The following GINS2 variants were observed in gnomAD, a reference collection of about 807,000 sequenced individuals.
GINS2 encodes the protein GINS complex subunit 2, also known as DNA replication complex GINS protein PSF2.
In GINS2, 23 loss-of-function variants were observed where a neutral mutation model predicts 21.2. That is an observed-to-expected ratio of 1.08 (90% CI 0.78 to 1.53). GINS2 has a LOEUF of 1.53. Among genes scored for constraint, GINS2 ranks in the 40% most tolerant of loss-of-function variants. GINS2 has a pLI of 0.00. For missense variants in GINS2, 323 were observed against 233.9 expected (o/e 1.38, Z -2.49); for synonymous variants, 118 against 85.6 (o/e 1.38, Z -2.09).
chr16:85,678,722 C>G, intron 3 of GINS2, 56 bp from the exon 4 acceptor site: 1 of 1,567,380 alleles, frequency 6.4e-7, no homozygotes, highest in Admixed American at 1.7e-5. Context: ...TGAGGCAATG[C>G]TGGATAGAGT....
intron 2 of GINS2, among the ~76,000 whole-genome samples, chr16:85,686,511 G>C (rs904110803): frequency 6.6e-6 from 1 of 151,784 alleles, no homozygotes; most frequent in African/African-American, 2.4e-5. Flanking sequence ...ATTCAGACTT[G>C]GGCAACCATT....
At chr16:85,687,631 T>C (rs2053789139) in intron 1 of GINS2, 57 bp from the exon 2 acceptor site, 4 of 958,776 alleles carry the variant, frequency 4.2e-6, no homozygotes, top group Non-Finnish European at 6.2e-6. Flanking sequence ...AAAGCATTAC[T>C]GTGCGTTACT....
At chr16:85,684,420 A>G (rs1049509642) in intron 2 of GINS2, among the ~76,000 whole-genome samples, 1 of 152,172 alleles carries the variant, frequency 6.6e-6, no homozygotes, top group African/African-American at 2.4e-5. Flanking sequence ...ACTCGAGCCC[A>G]GGAGTTGGAG....
chr16:85,679,249 A>G (rs1364352328), intron 3 of GINS2, among the ~76,000 whole-genome samples: 1 of 152,246 alleles, frequency 6.6e-6, no homozygotes, highest in Non-Finnish European at 1.5e-5. Flanking sequence ...AAATCACAGA[A>G]GAAACTGCAA....
chr16:85,682,691 C>T (rs908260369), intron 2 of GINS2, among the ~76,000 whole-genome samples: 1 of 152,154 alleles, frequency 6.6e-6, no homozygotes, highest in African/African-American at 2.4e-5. Context: ...AATCAAACAG[C>T]TGTATCCAAT....
At chr16:85,681,744 A>C in intron 2 of GINS2, 63 bp from the exon 3 acceptor site, 1 of 1,006,140 alleles carries the variant, frequency 9.9e-7, no homozygotes, top group South Asian at 1.4e-5. Flanking sequence ...TAAACCTTCC[A>C]AATTTACCAA....
intron 3 of GINS2, among the ~76,000 whole-genome samples, 160 bp downstream of exon 3, chr16:85,681,422 C>T (rs1465442267): frequency 6.6e-6 from 1 of 152,150 alleles, no homozygotes; most frequent in East Asian, 1.9e-4. Context: ...GGTGTGTGTA[C>T]ACAGATGACC....
At position 85,685,609 on chromosome 16, in the gene GINS2, T is replaced by C. The variant is rs1318880983; in HGVS notation, c.205+1851A>G. On this transcript the variant is annotated intron_variant, in intron 2 of 4. Transcript: ENST00000253462. ...TGACTTGAGGCTGGGAAGTCAAGGC[T>C]GCAGTGAGCTATGATTGCATCACTA... 2.1e-5 allele frequency among the ~76,000 whole-genome samples: 3 copies of C among 141,738 alleles called. No individual in the cohort carries two copies. In the Admixed American group the frequency reaches 2.3e-4, roughly 11 times the overall value. The allele number at this position is 141,738 out of a possible 152,430, so 93.0% of individuals were successfully genotyped here.
In GINS2 at chr16:85,676,622, C is replaced by G. The variant is rs994557650; in HGVS notation, c.*1590G>C. ...ATGCTGGGTGATAAGTCTTTAGGCT[C>G]AGCCTGTCACACATGCGCATTCTCA... On this transcript the variant is annotated 3_prime_UTR_variant, in exon 5 of 5. Coordinates refer to ENST00000253462, the MANE Select transcript of GINS2 (RefSeq NM_016095.3). The G allele has an allele frequency of 6.6e-6, 1 of 152,250 alleles. No homozygotes were observed. Among genetic ancestry groups the G allele is most frequent in the Non-Finnish European group, 1.5e-5 (1 of 68,078 alleles). The allele number at this position is 152,250 out of a possible 1,614,324, so 9.4% of individuals were successfully genotyped here. A position where few individuals can be genotyped will look rare whatever the true frequency, so the allele number is the denominator to read the frequency against.
rs759506135 is a variant in GINS2 at position 85,688,932 on chromosome 16, C to A, written c.-34G>T. 1.3e-5 allele frequency: 19 copies of A among 1,446,496 alleles called. No individual in the cohort carries two copies. The South Asian group carries it at 2.4e-4, about 18-fold the overall frequency. The allele number at this position is 1,446,496 out of a possible 1,614,324, so 89.6% of individuals were successfully genotyped here. A position where few individuals can be genotyped will look rare whatever the true frequency, so the allele number is the denominator to read the frequency against. On this transcript the variant is annotated 5_prime_UTR_variant, in exon 1 of 5. Coordinates refer to ENST00000253462, the MANE Select transcript of GINS2 (RefSeq NM_016095.3). ...GAGCTGCAGGCCAGAGCCTCACGGT[C>A]TCCTCGGGCCCCTCAGCGTCCCGGA...
chr16:85,684,874 A>G (rs11649034), intron 2 of GINS2, among the ~76,000 whole-genome samples: 102,217 of 150,944 alleles, frequency 0.68, 34,679 homozygotes, highest in East Asian at 0.73. Context: ...TGCAACTTCC[A>G]CCTCCTGGAT....
In GINS2 at chr16:85,677,973, AGT is replaced by A; in HGVS notation, c.*237_*238del. On this transcript the variant is annotated 3_prime_UTR_variant, in exon 5 of 5. Coordinates refer to ENST00000253462, the MANE Select transcript of GINS2 (RefSeq NM_016095.3). ...ACCTAAGGCTTTTTTATTTCTCAAA[AGT>A]GGGGGGAAAAAGGGCTGGTTTCTAG... is the stretch of plus-strand genomic sequence containing the variant. 2.2e-6 allele frequency: 1 copy of A among 454,830 alleles called. No homozygotes were observed. 28.2% of individuals were successfully genotyped at this position (454,830 alleles called of 1,614,324 possible).
At chr16:85,683,162 T>A (rs1369685056) in intron 2 of GINS2, among the ~76,000 whole-genome samples, 1 of 151,982 alleles carries the variant, frequency 6.6e-6, no homozygotes, top group African/African-American at 2.4e-5. Flanking sequence ...AACACACTAA[T>A]AGATATAGCC....
intron 2 of GINS2, among the ~76,000 whole-genome samples, chr16:85,682,437 CAAT>C (rs2053741804): frequency 1.3e-5 from 2 of 150,988 alleles, no homozygotes; most frequent in Admixed American, 1.3e-4. Context: ...GGGCGCGATA[CAAT>C]ATCCTAGGGG....
Position 85,688,852 on chromosome 16 carries a change from G to A in GINS2, c.47C>T (p.Thr16Ile), listed in dbSNP as rs1334008385. ...VEFLAEKELV[T>I]IIPNFSLDKI... ...GTCCAGACTGAAGTTGGGGATAATG[G>A]TAACCAGCTCCTTCTCGGCGAGGAA... is the stretch of plus-strand genomic sequence containing the variant. The change falls in exon 1 of 5, where the codon ACC becomes ATC. Residue 16 changes from threonine (T) to isoleucine (I), a missense_variant. By Grantham distance (89) the Thr-to-Ile change is moderately conservative. Transcript: ENST00000253462. 4 of 1,545,520 alleles carry A rather than the reference G, an allele frequency of 2.6e-6. No homozygotes were observed. Among genetic ancestry groups the A allele is most frequent in the Non-Finnish European group, 2.6e-6 (3 of 1,144,250 alleles).
rs567416662 is a variant in GINS2 at position 85,677,950 on chromosome 16, C to G, written c.*262G>C. On this transcript the variant is annotated 3_prime_UTR_variant, in exon 5 of 5. Transcript: ENST00000253462. The stretch of plus-strand genomic sequence containing the variant: ...CTGCTAGGGAGAATGACTTATTTAC[C>G]TAAGGCTTTTTTATTTCTCAAAAGT... 2 of 398,224 alleles carry G rather than the reference C, an allele frequency of 5.0e-6. No individual in the cohort carries two copies. Among genetic ancestry groups the G allele is most frequent in the Non-Finnish European group, 9.1e-6 (2 of 219,572 alleles). The allele number at this position is 398,224 out of a possible 1,614,324, so 24.7% of individuals were successfully genotyped here.
At chr16:85,679,647 C>T (rs899317558) in intron 3 of GINS2, among the ~76,000 whole-genome samples, 4 of 152,146 alleles carry the variant, frequency 2.6e-5, no homozygotes, top group Admixed American at 6.5e-5. Context: ...GTCCCTTAAC[C>T]GAATGAATTA....
At chr16:85,681,844 T>C (rs1417040933) in intron 2 of GINS2, among the ~76,000 whole-genome samples, 163 bp from the exon 3 acceptor site, 1 of 152,174 alleles carries the variant, frequency 6.6e-6, no homozygotes, top group Admixed American at 6.6e-5. Flanking sequence ...TCTAGATGAT[T>C]TGAGGCCTCC....
At position 85,678,221 on chromosome 16, in the gene GINS2, C is replaced by G; in HGVS notation, c.549G>C (p.Gln183His). ...NLQPLESTQS[Q>H]DF ...TGCACCAGGCCTTTCTCTAGAAGTC[C>G]TGAGACTGAGTACTCTCCAGAGGCT... Residue 183 changes from glutamine (Q) to histidine (H), a missense_variant, in exon 5 of 5, where the codon CAG becomes CAC. Coordinates refer to ENST00000253462, the MANE Select transcript of GINS2 (RefSeq NM_016095.3). 6.2e-7 allele frequency: 1 copy of G among 1,613,496 alleles called. No individual in the cohort carries two copies. Among genetic ancestry groups the G allele is most frequent in the South Asian group, 1.1e-5 (1 of 91,034 alleles).
Sources: gnomAD v4.1 joint callset for allele counts (sites outside exome capture counted in the v4.1 genomes callset) on GRCh38, gnomAD v4.1.1 for gene constraint, MANE v1.5 for transcripts, NCBI Gene and HGNC (gene_info 2026-07-23, HGNC 2026-07-21) for gene names.